Variants in KIRREL3 observed in about 807,000 individuals in gnomAD.
The protein encoded by KIRREL3 is kirre like nephrin family adhesion molecule 3, also known as kin of IRRE-like protein 3.
Under a neutral mutation model 89.7 loss-of-function variants are expected in KIRREL3, and 36 were observed. The observed-to-expected ratio is 0.40, with a 90% CI of 0.31 to 0.53. The LOEUF (loss-of-function observed/expected upper bound fraction) is 0.53, where lower values mean the gene tolerates loss of function less well. Among genes scored for constraint, KIRREL3 ranks in the 20% least tolerant of loss-of-function variants. KIRREL3 has a pLI of 0.49. For synonymous variants in KIRREL3, 445 were observed against 441.4 expected (o/e 1.01, Z -0.10); for missense variants, 864 against 1,056.6 (o/e 0.82, Z 2.53).
chr11:126,894,524 C>CT (rs1946063491), intron 1 of KIRREL3, among the ~76,000 whole-genome samples: 1 of 46,504 alleles, frequency 2.2e-5, no homozygotes, highest in South Asian at 7.8e-4. Context: ...GCCTGGGCAA[C>CT]ATAATGAGAC....
At chr11:126,437,583 C>T (rs1314956930) in intron 11 of KIRREL3, among the ~76,000 whole-genome samples, 1 of 151,992 alleles carries the variant, frequency 6.6e-6, no homozygotes, top group East Asian at 1.9e-4. Flanking sequence ...CATATGTGCA[C>T]ATGTCACAAC....
rs1000619231 is a variant in KIRREL3 at position 126,710,337 on chromosome 11, G to A, written c.56-147425C>T. 1.3e-5 allele frequency among the ~76,000 whole-genome samples: 2 copies of A among 152,156 alleles called. No homozygotes were observed. The highest frequency in any genetic ancestry group is 1.5e-5 in the Non-Finnish European group (1 of 68,034). ...GGAGAGAAGGGAGATAGCTAGCTCA[G>A]TGTGGCACCCCATTCTTCCCATTGA... On this transcript the variant is annotated intron_variant, in intron 1 of 16. Transcript: ENST00000525144. The surrounding 1 kb of genome is among the most constrained non-coding windows in gnomAD (Gnocchi z 4.2).
intron 4 of KIRREL3, among the ~76,000 whole-genome samples, chr11:126,511,358 AC>A (rs954888325): frequency 8.6e-5 from 13 of 150,624 alleles, no homozygotes; most frequent in Admixed American, 7.9e-4. Context: ...CAAAGAGTGG[AC>A]CCCCCAGGCT....
intron 1 of KIRREL3, among the ~76,000 whole-genome samples, chr11:126,818,700 C>A (rs1010501675): frequency 6.6e-6 from 1 of 151,548 alleles, no homozygotes; most frequent in Non-Finnish European, 1.5e-5. Context: ...TTAGAAAATA[C>A]TACAGAAAGA....
rs1051546771 is a variant in KIRREL3, at chr11:126,860,914, G to T, written c.55+139541C>A. Among the ~76,000 whole-genome samples, 2 of 152,134 alleles carry T rather than the reference G, an allele frequency of 1.3e-5. No homozygotes were observed. The highest frequency in any genetic ancestry group is 1.9e-4 in the East Asian group (1 of 5,188). ...ACCTCCTTTGTACCACTCTTGGTAC[G>T]TGCCACCTCCTATACAAAGCCTCTC... On this transcript the variant is annotated intron_variant, in intron 1 of 16. Transcript: ENST00000525144. The surrounding 1 kb of genome is among the most constrained non-coding windows in gnomAD (Gnocchi z 4.6).
In KIRREL3 at chr11:126,879,653, G is replaced by A. The variant is rs752038214; in HGVS notation, c.55+120802C>T. 6.6e-6 allele frequency among the ~76,000 whole-genome samples: 1 copy of A among 152,128 alleles called. No homozygotes were observed. The highest frequency in any genetic ancestry group is 1.5e-5 in the Non-Finnish European group (1 of 68,038). On this transcript the variant is annotated intron_variant, in intron 1 of 16. Coordinates refer to ENST00000525144, the MANE Select transcript of KIRREL3 (RefSeq NM_032531.4). The surrounding 1 kb of genome is among the most constrained non-coding windows in gnomAD (Gnocchi z 5.4). ...AAGCCACTTTCCATGTAGCCATGAG[G>A]CCTCTCAAAAGAATGGAGAGATAGC... is the stretch of plus-strand genomic sequence containing the variant.
chr11:126,916,919 A>T (rs747199495), intron 1 of KIRREL3, among the ~76,000 whole-genome samples: 4 of 152,180 alleles, frequency 2.6e-5, no homozygotes, highest in Non-Finnish European at 4.4e-5. Context: ...AGGGGACAGG[A>T]TGTCCCCCAG....
chr11:126,697,788 A>T lies in KIRREL3; in HGVS notation c.56-134876T>A, dbSNP rs1947159274. ...GCTCTGATCACCTCCCTATTATTGG[A>T]TATTAATCAAGTCCTACTCAGACCA... On this transcript the variant is annotated intron_variant, in intron 1 of 16. Coordinates refer to ENST00000525144, the MANE Select transcript of KIRREL3 (RefSeq NM_032531.4). The surrounding 1 kb of genome is among the most constrained non-coding windows in gnomAD (Gnocchi z 4.2). 1.3e-5 allele frequency among the ~76,000 whole-genome samples: 2 copies of T among 152,152 alleles called. No homozygotes were observed.
chr11:126,485,250 A>T lies in KIRREL3; in HGVS notation c.434-11784T>A, dbSNP rs982818751. 6.6e-6 allele frequency among the ~76,000 whole-genome samples: 1 copy of T among 152,214 alleles called. No homozygotes were observed. The highest frequency in any genetic ancestry group is 1.5e-5 in the Non-Finnish European group (1 of 68,034). On this transcript the variant is annotated intron_variant, in intron 4 of 16. Transcript: ENST00000525144. This position sits in a 1 kb window ranked among gnomAD's most constrained non-coding sequence, Gnocchi z 5.8. ...CAAGACGCAGGTTTAGGATGATGGC[A>T]TGTAGCTCAGAGGAAGGTGTGCTGG...
intron 1 of KIRREL3, among the ~76,000 whole-genome samples, chr11:126,855,972 T>G (rs905784714): frequency 2.6e-5 from 4 of 152,182 alleles, no homozygotes; most frequent in Non-Finnish European, 5.9e-5. Context: ...TGCCCTTGAA[T>G]TTCTTGAAAA....
rs140424908 is a variant in KIRREL3, at chr11:126,983,847, T to C, written c.55+16608A>G. 2.4e-3 allele frequency among the ~76,000 whole-genome samples: 359 copies of C among 152,288 alleles called. 4 individuals carry two copies. The highest frequency in any genetic ancestry group is 7.8e-3 in the African/African-American group (323 of 41,570). On this transcript the variant is annotated intron_variant, in intron 1 of 16. Transcript: ENST00000525144. The surrounding 1 kb of genome is among the most constrained non-coding windows in gnomAD (Gnocchi z 4.9). ...AGCACTGGGAAACAAATACACTCCA[T>C]ACATAGCCTTTCTCAACTGAGATTC... is the stretch of plus-strand genomic sequence containing the variant.
chr11:126,446,305 T>TCTC (rs1219261453), intron 9 of KIRREL3, among the ~76,000 whole-genome samples: 5 of 151,344 alleles, frequency 3.3e-5, no homozygotes, highest in African/African-American at 4.9e-5. Context: ...TTTCTTTCTC[T>TCTC]CTCTCTCTTC....
chr11:126,501,723 C>T lies in KIRREL3; in HGVS notation c.433+19592G>A, dbSNP rs1732510541. On this transcript the variant is annotated intron_variant, in intron 4 of 16. Transcript: ENST00000525144. The surrounding 1 kb of genome is among the most constrained non-coding windows in gnomAD (Gnocchi z 5.8). ...AACCCTCCTTAAAGCCTACACTTGC[C>T]AACTCGCCTGGCCCTGGGCACTGCT... Among the ~76,000 whole-genome samples, 1 of 152,188 alleles carries T rather than the reference C, an allele frequency of 6.6e-6. No homozygotes were observed. Among genetic ancestry groups the T allele is most frequent in the South Asian group, 2.1e-4 (1 of 4,830 alleles).
intron 1 of KIRREL3, among the ~76,000 whole-genome samples, chr11:126,980,128 A>C (rs937297029): frequency 6.6e-6 from 1 of 152,248 alleles, no homozygotes; most frequent in Non-Finnish European, 1.5e-5. Context: ...CCTTTGAGCC[A>C]AGCCTTGAAA....
At chr11:126,913,543 G>C (rs1490665632) in intron 1 of KIRREL3, among the ~76,000 whole-genome samples, 3 of 152,196 alleles carry the variant, frequency 2.0e-5, no homozygotes, top group Non-Finnish European at 2.9e-5. Context: ...GAAGGAGGCT[G>C]GCCTGGGAAA....
chr11:127,000,444 A>AG lies in KIRREL3; in HGVS notation c.55+10dup. ...GACTTTCTTCCAACTCCAGCAGCGC[A>AG]GGGGTCCTACCTTGACTGAAGAGGA... On this transcript the variant is annotated intron_variant, in intron 1 of 16. Transcript: ENST00000525144. This position sits in a 1 kb window ranked among gnomAD's most constrained non-coding sequence, Gnocchi z 7.1. The AG allele has an allele frequency of 6.3e-7, 1 of 1,598,788 alleles. No homozygotes were observed. Among genetic ancestry groups the AG allele is most frequent in the Non-Finnish European group, 8.5e-7 (1 of 1,172,720 alleles).
rs565842462 is a variant in KIRREL3 at position 126,752,499 on chromosome 11, C to T, written c.56-189587G>A. 3.2e-4 allele frequency among the ~76,000 whole-genome samples: 48 copies of T among 152,134 alleles called. No individual in the cohort carries two copies. Among genetic ancestry groups the T allele is most frequent in the South Asian group, 2.5e-3 (12 of 4,810 alleles). On this transcript the variant is annotated intron_variant, in intron 1 of 16. Transcript: ENST00000525144. This position sits in a 1 kb window ranked among gnomAD's most constrained non-coding sequence, Gnocchi z 4.8. ...TTGCATAATAGCATTATTCTTACAG[C>T]GGAATAAGACCACTGAGTGTTGTTC...
At position 126,697,169 on chromosome 11, in the gene KIRREL3, C is replaced by A. The variant is rs1392031263; in HGVS notation, c.56-134257G>T. ...TCACTTCCTCCGCTGGTCCCCCAGA[C>A]CTGTGTTCACCTGGCTCACAGCCCT... is the stretch of plus-strand genomic sequence containing the variant. On this transcript the variant is annotated intron_variant, in intron 1 of 16. Transcript: ENST00000525144. This position sits in a 1 kb window ranked among gnomAD's most constrained non-coding sequence, Gnocchi z 4.2. Among the ~76,000 whole-genome samples the A allele has an allele frequency of 6.6e-6, 1 of 152,198 alleles. No homozygotes were observed. Among genetic ancestry groups the A allele is most frequent in the Non-Finnish European group, 1.5e-5 (1 of 68,042 alleles).
At chr11:126,980,909 T>A (rs150717944) in intron 1 of KIRREL3, among the ~76,000 whole-genome samples, 1 of 152,334 alleles carries the variant, frequency 6.6e-6, no homozygotes, top group East Asian at 1.9e-4. Context: ...GCCACCAGAA[T>A]GGGTGCTAGG....
Sources: allele counts gnomAD v4.1 joint callset (sites outside exome capture counted in the v4.1 genomes callset), GRCh38; gene constraint gnomAD v4.1.1; non-coding constraint Gnocchi (gnomAD v3.1); transcripts MANE v1.5; gene names NCBI Gene and HGNC (gene_info 2026-07-23, HGNC 2026-07-21).